The following TBC1D22B variants were observed in gnomAD, a reference collection of about 807,000 sequenced individuals.
The protein encoded by TBC1D22B is chromosome 6 open reading frame 197.
Under a neutral mutation model 69.1 loss-of-function variants are expected in TBC1D22B, and 32 were observed. The observed-to-expected ratio is 0.46, with a 90% CI of 0.35 to 0.62. TBC1D22B has a LOEUF of 0.62. TBC1D22B is among the 20% of genes least tolerant of loss of function. TBC1D22B has a pLI of 0.00. For synonymous variants in TBC1D22B, 206 were observed against 229.8 expected, an observed-to-expected ratio of 0.90 and a Z score of 0.94; for missense variants, 462 against 630.9, an observed-to-expected ratio of 0.73 and a Z score of 2.87.
chr6:37,321,955 C>T (rs903709661), intron 12 of TBC1D22B, among the ~76,000 whole-genome samples: 1 of 152,194 alleles, frequency 6.6e-6, no homozygotes, highest in Non-Finnish European at 1.5e-5. Context: ...CATGAGTCCA[C>T]CCTCAAAAGG....
In TBC1D22B at chr6:37,286,214, G is replaced by A. The variant is rs147881068; in HGVS notation, c.802-793G>A. On this transcript the variant is annotated intron_variant, in intron 6 of 12. Transcript: ENST00000373491. ...CTGTTTAATAAGCTATTGTTGTCAT[G>A]GAAACATGTTCCACATGGGCAGGTA... 2.7e-4 allele frequency among the ~76,000 whole-genome samples: 41 copies of A among 152,266 alleles called. 1 individual carries two copies. The East Asian group carries it at 5.2e-3, about 19-fold the overall frequency.
At chr6:37,318,086 A>G (rs541959891) in intron 12 of TBC1D22B, among the ~76,000 whole-genome samples, 8 of 152,220 alleles carry the variant, frequency 5.3e-5, no homozygotes, top group Non-Finnish European at 1.0e-4. Context: ...ACTTAGTTTC[A>G]GTAGGGCCAC....
chr6:37,270,924 A>T (rs978002374), intron 2 of TBC1D22B, among the ~76,000 whole-genome samples: 2 of 152,138 alleles, frequency 1.3e-5, no homozygotes, highest in Non-Finnish European at 2.9e-5. Flanking sequence ...CAGTGAGAAG[A>T]TCAGTTGCCA....
intron 8 of TBC1D22B, among the ~76,000 whole-genome samples, chr6:37,308,018 C>G (rs961643226): frequency 6.6e-6 from 1 of 152,216 alleles, no homozygotes; most frequent in Non-Finnish European, 1.5e-5. Flanking sequence ...AAACAGTTGA[C>G]TGGAGCCATC....
At chr6:37,301,460 C>T (rs1183559193) in intron 8 of TBC1D22B, among the ~76,000 whole-genome samples, 1 of 152,182 alleles carries the variant, frequency 6.6e-6, no homozygotes, top group Non-Finnish European at 1.5e-5. Context: ...ATTTCCCTAT[C>T]CTGGACATTT....
chr6:37,260,863 C>A (rs1766068700), intron 1 of TBC1D22B, among the ~76,000 whole-genome samples: 1 of 152,192 alleles, frequency 6.6e-6, no homozygotes, highest in South Asian at 2.1e-4. Context: ...AGTATACATA[C>A]ACCACATTTT....
intron 8 of TBC1D22B, among the ~76,000 whole-genome samples, chr6:37,297,737 T>C (rs915724627): frequency 1.3e-5 from 2 of 152,236 alleles, no homozygotes; most frequent in African/African-American, 4.8e-5. Flanking sequence ...TGTAAAGATA[T>C]ATGCACATGT....
chr6:37,301,601 T>C (rs987647585), intron 8 of TBC1D22B, among the ~76,000 whole-genome samples: 2 of 152,238 alleles, frequency 1.3e-5, no homozygotes, highest in African/African-American at 4.8e-5. Context: ...AAATATTCTA[T>C]TATATGGATG....
intron 6 of TBC1D22B, among the ~76,000 whole-genome samples, chr6:37,286,206 G>A (rs1767000474): frequency 6.6e-6 from 1 of 152,124 alleles, no homozygotes; most frequent in Non-Finnish European, 1.5e-5. Context: ...ATAAGCTATT[G>A]TTGTCATGGA....
rs1768004012 is a variant in TBC1D22B at position 37,314,007 on chromosome 6, C to G, written c.1165+116C>G. The G allele has an allele frequency of 4.4e-6, 4 of 916,144 alleles. No homozygotes were observed. In the Admixed American group the frequency reaches 7.6e-5, roughly 17 times the overall value. The allele number at this position is 916,144 out of a possible 1,614,324, so 56.8% of individuals were successfully genotyped here. The stretch of plus-strand genomic sequence containing the variant: ...TTCCTAGCCATGACCCTTTCCAGCG[C>G]ACTGAGTGCTGCTGGCAGCACCGGG... On this transcript the variant is annotated intron_variant, in intron 10 of 12. Transcript: ENST00000373491.
At chr6:37,264,972 A>T (rs1373181920) in intron 1 of TBC1D22B, among the ~76,000 whole-genome samples, 1 of 152,218 alleles carries the variant, frequency 6.6e-6, no homozygotes, top group African/African-American at 2.4e-5. Flanking sequence ...CACCTTAATC[A>T]TTGGGCTCTT....
intron 1 of TBC1D22B, among the ~76,000 whole-genome samples, chr6:37,262,333 G>A (rs551147665): frequency 1.2e-4 from 19 of 152,132 alleles, no homozygotes; most frequent in South Asian, 4.2e-4. Flanking sequence ...GTGAGCCACC[G>A]TGCCCAGCCC....
chr6:37,277,655 A>T (rs752762870), intron 2 of TBC1D22B, among the ~76,000 whole-genome samples: 5 of 151,560 alleles, frequency 3.3e-5, no homozygotes, highest in African/African-American at 9.7e-5. Context: ...TTTAGTAGAG[A>T]TGGGGTTTCA....
intron 12 of TBC1D22B, among the ~76,000 whole-genome samples, chr6:37,325,540 C>CTTTTTTTTTTTT (rs70977648): frequency 1.3e-5 from 1 of 77,174 alleles, no homozygotes; most frequent in Non-Finnish European, 2.4e-5. Context: ...ATCGTTTCTA[C>CTTTTTTTTTTTT]TTTTTTTTTT....
At chr6:37,314,888 A>G (rs769319825) in intron 10 of TBC1D22B, among the ~76,000 whole-genome samples, 2 of 151,292 alleles carry the variant, frequency 1.3e-5, no homozygotes, top group Admixed American at 6.6e-5. Context: ...TAGCATTTCA[A>G]TCTTCTGAAC....
intron 1 of TBC1D22B, among the ~76,000 whole-genome samples, chr6:37,267,311 T>TATATATATATATAAA (rs1554182695): frequency 5.0e-5 from 7 of 141,276 alleles, no homozygotes; most frequent in African/African-American, 1.6e-4. Context: ...GACATACATA[T>TATATATATATATAAA]ATATATATAT....
At chr6:37,328,416 C>T in intron 12 of TBC1D22B, among the ~76,000 whole-genome samples, 1 of 152,102 alleles carries the variant, frequency 6.6e-6, no homozygotes, top group East Asian at 1.9e-4. Flanking sequence ...AGGCTTTGTG[C>T]ATAAAGATGT....
Position 37,310,266 on chromosome 6 carries a change from TAA to T in TBC1D22B, c.983-2651_983-2650del, listed in dbSNP as rs150963856. On this transcript the variant is annotated intron_variant, in intron 8 of 12. Transcript: ENST00000373491. The stretch of plus-strand genomic sequence containing the variant: ...CAAAAAAACCTACATAGTAAATGTT[TAA>T]GTTAGGATACAATAAAAGAATAAAA... Among the ~76,000 whole-genome samples the T allele has an allele frequency of 4.0e-3, 596 of 150,492 alleles. 5 individuals are homozygous for T. Among genetic ancestry groups the T allele is most frequent in the African/African-American group, 0.014 (569 of 41,198 alleles).
At chr6:37,279,265 T>G in intron 2 of TBC1D22B, 39 bp from the exon 3 acceptor site, 1 of 1,534,520 alleles carries the variant, frequency 6.5e-7, no homozygotes, top group Non-Finnish European at 8.8e-7. Context: ...GTCAGATGTG[T>G]CAGGCCATTC....
Sources: gnomAD v4.1 joint callset for allele counts (sites outside exome capture counted in the v4.1 genomes callset) on GRCh38, gnomAD v4.1.1 for gene constraint, MANE v1.5 for transcripts, NCBI Gene and HGNC (gene_info 2026-07-23, HGNC 2026-07-21) for gene names.